PIP4K2A: variants seen among roughly 807,000 people sequenced by gnomAD.
PIP4K2A encodes the protein phosphatidylinositol-5-phosphate 4-kinase type 2 alpha.
In PIP4K2A, 14 loss-of-function variants were observed where a neutral mutation model predicts 42.9. The observed-to-expected ratio is 0.33, with a 90% CI of 0.22 to 0.51. The LOEUF (loss-of-function observed/expected upper bound fraction) is 0.51. Ranked by LOEUF, PIP4K2A falls within the 20% of genes least tolerant of loss-of-function variation. PIP4K2A has a pLI of 0.97. For missense variants in PIP4K2A, 434 were observed against 519.8 expected, an observed-to-expected ratio of 0.83 and a Z score of 1.61; for synonymous variants, 192 against 192.2, an observed-to-expected ratio of 1.00 and a Z score of 0.01.
chr10:22,562,303 C>A (rs1198352386), intron 6 of PIP4K2A, among the ~76,000 whole-genome samples: 1 of 152,190 alleles, frequency 6.6e-6, no homozygotes, highest in African/African-American at 2.4e-5. Flanking sequence ...AATCCCAGCA[C>A]TTTGGGAGGC....
rs760885162 is a variant in PIP4K2A at position 22,709,106 on chromosome 10, C to CT, written c.144+5076dup. On this transcript the variant is annotated intron_variant, in intron 1 of 9. Transcript: ENST00000376573. ...CAGCAGCAGAGCCTAATTTAGCAGA[C>CT]TTTTTTTTTTTTTTTAAAAGTCCCC... is the stretch of plus-strand genomic sequence containing the variant. 1.7e-3 allele frequency among the ~76,000 whole-genome samples: 243 copies of CT among 144,430 alleles called. 1 individual carries two copies. The highest frequency in any genetic ancestry group is 2.6e-3 in the South Asian group (12 of 4,552). 94.8% of individuals were successfully genotyped at this position (144,430 alleles called of 152,430 possible).
At chr10:22,667,743 G>A (rs1443552990) in intron 1 of PIP4K2A, among the ~76,000 whole-genome samples, 1 of 151,860 alleles carries the variant, frequency 6.6e-6, no homozygotes, top group Non-Finnish European at 1.5e-5. Flanking sequence ...TGTAAAAAGA[G>A]GATTTTGAAA....
At chr10:22,577,979 G>A (rs1268151740) in intron 4 of PIP4K2A, among the ~76,000 whole-genome samples, 1 of 152,098 alleles carries the variant, frequency 6.6e-6, no homozygotes, top group Non-Finnish European at 1.5e-5. Context: ...GGAATTTATT[G>A]GCAATTTTCT....
At chr10:22,588,034 T>C (rs1166946833) in intron 4 of PIP4K2A, among the ~76,000 whole-genome samples, 2 of 152,220 alleles carry the variant, frequency 1.3e-5, no homozygotes, top group Admixed American at 6.5e-5. Context: ...TCTCTGATCA[T>C]GTAATTAACA....
In PIP4K2A at chr10:22,536,966, CA is replaced by C. The variant is rs113320823; in HGVS notation, c.*234del. Reference sequence around the variant, plus strand: ...ACGCGCGCACACACTCACCCCCCCCCAACACACACACACACACATATACACA... The same window carrying C: ...ACGCGCGCACACACTCACCCCCCCCCACACACACACACACACATATACACA... On this transcript the variant is annotated 3_prime_UTR_variant, in exon 10 of 10. Transcript: ENST00000376573. 2.2e-5 allele frequency: 5 copies of C among 227,040 alleles called. No individual in the cohort carries two copies. In the African/African-American group the frequency reaches 5.1e-4, roughly 23 times the overall value. 14.1% of individuals were successfully genotyped at this position (227,040 alleles called of 1,614,324 possible).
At chr10:22,568,101 G>A (rs773312643) in intron 5 of PIP4K2A, among the ~76,000 whole-genome samples, 6 of 152,238 alleles carry the variant, frequency 3.9e-5, no homozygotes, top group South Asian at 2.1e-4. Context: ...GCCACTGGCC[G>A]CTTCTCTAGC....
intron 1 of PIP4K2A, among the ~76,000 whole-genome samples, chr10:22,644,215 G>A (rs949959629): frequency 6.6e-6 from 1 of 152,064 alleles, no homozygotes; most frequent in Admixed American, 6.6e-5. Context: ...CCAAACTCCC[G>A]GAGTTGACTC....
At chr10:22,698,457 A>T (rs541031123) in intron 1 of PIP4K2A, among the ~76,000 whole-genome samples, 1 of 152,308 alleles carries the variant, frequency 6.6e-6, no homozygotes, top group African/African-American at 2.4e-5. Flanking sequence ...CCAAAAAGAG[A>T]ATCTCTTCTA....
At chr10:22,550,044 T>C (rs990205053) in intron 7 of PIP4K2A, among the ~76,000 whole-genome samples, 13 of 152,168 alleles carry the variant, frequency 8.5e-5, no homozygotes, top group African/African-American at 2.9e-4. Context: ...TCCATCATTA[T>C]GGACGAAAGC....
chr10:22,682,014 T>C (rs1839672304), intron 1 of PIP4K2A, among the ~76,000 whole-genome samples: 1 of 152,024 alleles, frequency 6.6e-6, no homozygotes, highest in Non-Finnish European at 1.5e-5. Context: ...TTTTTGTACA[T>C]ACGTAAAAAC....
chr10:22,580,591 T>C (rs1449585977), intron 4 of PIP4K2A, among the ~76,000 whole-genome samples: 2 of 149,452 alleles, frequency 1.3e-5, no homozygotes, highest in South Asian at 2.1e-4. Context: ...TTCTCTTCTT[T>C]GTAAGAGTTT....
chr10:22,581,029 G>A (rs1162523383), intron 4 of PIP4K2A, among the ~76,000 whole-genome samples: 7 of 152,188 alleles, frequency 4.6e-5, no homozygotes, highest in African/African-American at 7.2e-5. Flanking sequence ...TGGCCGTCCC[G>A]TGTGTGGCTC....
chr10:22,620,167 C>A (rs946338320), intron 1 of PIP4K2A, among the ~76,000 whole-genome samples: 8 of 152,226 alleles, frequency 5.3e-5, no homozygotes, highest in African/African-American at 1.9e-4. Flanking sequence ...CAAGCTCAAT[C>A]AGACTCTTAC....
intron 1 of PIP4K2A, chr10:22,646,178 C>G (rs1270349395): frequency 6.6e-6 from 1 of 152,176 alleles, no homozygotes; most frequent in African/African-American, 2.4e-5. Flanking sequence ...ACAGGCTTCT[C>G]TGCTTTCTGT....
At chr10:22,711,779 T>C (rs557700949) in intron 1 of PIP4K2A, among the ~76,000 whole-genome samples, 2 of 152,362 alleles carry the variant, frequency 1.3e-5, no homozygotes, top group Admixed American at 6.5e-5. Flanking sequence ...AAAACATTTA[T>C]CTAATATCAG....
chr10:22,643,358 CACTGACAGAA>C (rs1838818195), intron 1 of PIP4K2A, among the ~76,000 whole-genome samples: 2 of 152,160 alleles, frequency 1.3e-5, no homozygotes, highest in African/African-American at 4.8e-5. Flanking sequence ...AAGTTTGAGT[CACTGACAGAA>C]ACTGTATGGC....
intron 4 of PIP4K2A, among the ~76,000 whole-genome samples, chr10:22,582,213 A>T (rs1837296782): frequency 6.6e-6 from 1 of 152,210 alleles, no homozygotes; most frequent in Non-Finnish European, 1.5e-5. Context: ...TGGGCTTGTT[A>T]GAAATGTAAT....
intron 6 of PIP4K2A, among the ~76,000 whole-genome samples, chr10:22,551,403 C>T (rs1836408096): frequency 6.6e-6 from 1 of 152,138 alleles, no homozygotes; most frequent in Non-Finnish European, 1.5e-5. Context: ...TTAACATAAA[C>T]GTATTAAGAT....
intron 1 of PIP4K2A, among the ~76,000 whole-genome samples, chr10:22,622,763 A>C (rs1838359122): frequency 6.6e-6 from 1 of 152,218 alleles, no homozygotes; most frequent in East Asian, 1.9e-4. Context: ...TTTAGCATGA[A>C]GGAGACTATA....
Sources: gnomAD v4.1 joint callset for allele counts (sites outside exome capture counted in the v4.1 genomes callset) on GRCh38, gnomAD v4.1.1 for gene constraint, MANE v1.5 for transcripts, NCBI Gene and HGNC (gene_info 2026-07-23, HGNC 2026-07-21) for gene names.